The following CDH13 variants were observed in gnomAD, a reference collection of about 807,000 sequenced individuals.
CDH13 encodes cadherin 13.
A neutral mutation model predicts 63.8 loss-of-function variants in CDH13; 24 were observed. The observed-to-expected ratio is 0.38, with a 90% CI of 0.27 to 0.53. CDH13 has a LOEUF of 0.53. Among genes scored for constraint, CDH13 ranks in the 20% least tolerant of loss-of-function variants. CDH13 has a pLI of 0.85. For missense variants in CDH13, 1,049 were observed against 903.1 expected (o/e 1.16, Z -2.07); for synonymous variants, 503 against 355.3 (o/e 1.42, Z -4.67).
chr16:83,256,966 C>T (rs1003706880), intron 5 of CDH13, among the ~76,000 whole-genome samples: 1 of 151,994 alleles, frequency 6.6e-6, no homozygotes. Flanking sequence ...TTGGGGCCTG[C>T]ATGCTGTGTG....
At chr16:83,000,567 CTTTTCTCTTTTTTTT>C (rs946761836) in intron 2 of CDH13, among the ~76,000 whole-genome samples, 6 of 138,208 alleles carry the variant, frequency 4.3e-5, no homozygotes, top group African/African-American at 1.4e-4. Flanking sequence ...TCTCTTTTTT[CTTTTCTCTTTTTTTT>C]TTTTTTTTGT....
chr16:83,658,168 C>A (rs55890091), intron 8 of CDH13, among the ~76,000 whole-genome samples: 1 of 144,016 alleles, frequency 6.9e-6, no homozygotes, highest in Non-Finnish European at 1.5e-5. Context: ...CCCATGTCCT[C>A]ACCAGCAAGG....
rs186831245 is a variant in CDH13, at chr16:83,147,127, C to T, written c.483+21626C>T. On this transcript the variant is annotated intron_variant, in intron 4 of 13. Coordinates refer to ENST00000567109, the MANE Select transcript of CDH13 (RefSeq NM_001257.5). ...TGGAGGCTGCACTCCAAAGGTGGAGCGATAGCATAGTGTAACATGATTTTT... is the reference window on the plus strand; with the variant it reads ...TGGAGGCTGCACTCCAAAGGTGGAGTGATAGCATAGTGTAACATGATTTTT... Among the ~76,000 whole-genome samples, 11 of 152,168 alleles carry T rather than the reference C, an allele frequency of 7.2e-5. No homozygotes were observed. The East Asian group carries it at 1.7e-3, about 24-fold the overall frequency.
chr16:83,533,761 C>T (rs1470903870), intron 7 of CDH13, among the ~76,000 whole-genome samples: 1 of 151,490 alleles, frequency 6.6e-6, no homozygotes, highest in African/African-American at 2.4e-5. Flanking sequence ...GCTGGGATTA[C>T]AGGTGTGCAC....
chr16:83,302,735 G>T (rs1597703072), intron 5 of CDH13, among the ~76,000 whole-genome samples: 1 of 152,206 alleles, frequency 6.6e-6, no homozygotes, highest in Admixed American at 6.5e-5. Flanking sequence ...AGAGGAAAAA[G>T]TGGGAGACGC....
At chr16:83,520,820 G>A (rs1598210710) in intron 7 of CDH13, among the ~76,000 whole-genome samples, 1 of 152,224 alleles carries the variant, frequency 6.6e-6, no homozygotes, top group East Asian at 1.9e-4. Context: ...GCCAGGGACA[G>A]GCACAGGATC....
chr16:83,011,210 A>G (rs562558359), intron 2 of CDH13, among the ~76,000 whole-genome samples: 9 of 152,166 alleles, frequency 5.9e-5, no homozygotes, highest in Non-Finnish European at 8.8e-5. Context: ...CATCTACCAC[A>G]CAGCTTCACT....
In CDH13 at chr16:83,100,777, G is replaced by A. The variant is rs74033148; in HGVS notation, c.367-24608G>A. ...AGTTACAAACAGCCATCCCCTTAGG[G>A]TATACACTTGCAGCACCCATGGGTG... On this transcript the variant is annotated intron_variant, in intron 3 of 13. Coordinates refer to ENST00000567109, the MANE Select transcript of CDH13 (RefSeq NM_001257.5). 6.6e-3 allele frequency among the ~76,000 whole-genome samples: 1,001 copies of A among 152,286 alleles called. 17 individuals are homozygous for A. Among genetic ancestry groups the A allele is most frequent in the African/African-American group, 0.023 (959 of 41,554 alleles).
chr16:83,001,833 G>A (rs143821883), intron 2 of CDH13, among the ~76,000 whole-genome samples: 8 of 152,284 alleles, frequency 5.3e-5, no homozygotes, highest in Non-Finnish European at 1.2e-4. Context: ...TTTGACTGCT[G>A]GGGAGCTATG....
chr16:82,853,140 T>C lies in CDH13; in HGVS notation c.46-5222T>C, dbSNP rs144298610. 1.2e-3 allele frequency among the ~76,000 whole-genome samples: 183 copies of C among 152,268 alleles called. 2 individuals are homozygous for C. The East Asian group carries it at 0.028, about 24-fold the overall frequency. On this transcript the variant is annotated intron_variant, in intron 1 of 13. Coordinates refer to ENST00000567109, the MANE Select transcript of CDH13 (RefSeq NM_001257.5). ...AAGAGAGATCTCTGAGCTGCTACTT[T>C]AAAGGATGCTTGGTGTCCTACAGAG...
chr16:83,019,477 T>C (rs1287587346), intron 2 of CDH13, among the ~76,000 whole-genome samples: 1 of 151,766 alleles, frequency 6.6e-6, no homozygotes, highest in Non-Finnish European at 1.5e-5. Context: ...CCTGAGGCTG[T>C]TTTACAGTTA....
chr16:83,724,842 C>G (rs1910190139), intron 10 of CDH13, among the ~76,000 whole-genome samples: 1 of 152,162 alleles, frequency 6.6e-6, no homozygotes, highest in African/African-American at 2.4e-5. Flanking sequence ...AGGAGCTGCT[C>G]CCTTGAGATG....
At chr16:83,295,125 TG>T (rs1276939504) in intron 5 of CDH13, among the ~76,000 whole-genome samples, 1 of 151,786 alleles carries the variant, frequency 6.6e-6, no homozygotes, top group Non-Finnish European at 1.5e-5. Flanking sequence ...GAACACACAA[TG>T]GGGGAAAAAA....
intron 2 of CDH13, among the ~76,000 whole-genome samples, chr16:83,015,032 C>G (rs1405484780): frequency 6.6e-6 from 1 of 150,806 alleles, no homozygotes; most frequent in Non-Finnish European, 1.5e-5. Flanking sequence ...AAAAAGCAAT[C>G]TATATAAACT....
intron 3 of CDH13, among the ~76,000 whole-genome samples, chr16:83,053,231 T>A (rs1396231938): frequency 6.6e-6 from 1 of 152,184 alleles, no homozygotes; most frequent in Non-Finnish European, 1.5e-5. Flanking sequence ...TGCCTAGGGA[T>A]GGAGAGTTCT....
At chr16:82,856,928 A>C (rs934552193) in intron 1 of CDH13, among the ~76,000 whole-genome samples, 2 of 152,132 alleles carry the variant, frequency 1.3e-5, no homozygotes, top group African/African-American at 4.8e-5. Context: ...GGATATTTAC[A>C]TACCATTCCC....
At chr16:82,675,999 GTTT>G (rs1459896095) in intron 1 of CDH13, among the ~76,000 whole-genome samples, 3 of 152,140 alleles carry the variant, frequency 2.0e-5, no homozygotes, top group African/African-American at 4.8e-5. Context: ...TCAATTCCCT[GTTT>G]TATTGTTCAA....
In CDH13 at chr16:83,474,353, G is replaced by C. The variant is rs112523758; in HGVS notation, c.782-12124G>C. 9.1e-3 allele frequency among the ~76,000 whole-genome samples: 1,386 copies of C among 152,248 alleles called. 16 individuals are homozygous for C. The highest frequency in any genetic ancestry group is 0.032 in the African/African-American group (1,319 of 41,542). On this transcript the variant is annotated intron_variant, in intron 6 of 13. Transcript: ENST00000567109. Reference sequence around the variant, plus strand: ...GTATGTTGCTCAGATCATGTAGCCAGTAAGTAAGGTGCCAGAGTCTCCATC... The same window carrying C: ...GTATGTTGCTCAGATCATGTAGCCACTAAGTAAGGTGCCAGAGTCTCCATC...
At chr16:83,321,493 ATTT>A (rs1205316889) in intron 5 of CDH13, among the ~76,000 whole-genome samples, 1 of 115,274 alleles carries the variant, frequency 8.7e-6, no homozygotes, top group African/African-American at 3.3e-5. Flanking sequence ...ATACCTCCTC[ATTT>A]TTTTTTCTGG....
Sources: gnomAD v4.1 joint callset for allele counts (sites outside exome capture counted in the v4.1 genomes callset) on GRCh38, gnomAD v4.1.1 for gene constraint, MANE v1.5 for transcripts, NCBI Gene and HGNC (gene_info 2026-07-23, HGNC 2026-07-21) for gene names.